The following HECW1 variants were observed in gnomAD, a reference collection of about 807,000 sequenced individuals.
HECW1 encodes the protein E3 ubiquitin-protein ligase HECW1.
Under a neutral mutation model 182.3 loss-of-function variants are expected in HECW1, and 61 were observed. The observed-to-expected ratio is 0.33, with a 90% CI of 0.27 to 0.41. HECW1 has a LOEUF of 0.41. Ranked by LOEUF, HECW1 falls within the 10% of genes least tolerant of loss-of-function variation. The pLI is 1.00. For synonymous variants in HECW1, 859 were observed against 832.6 expected (o/e 1.03, Z -0.55); for missense variants, 1,739 against 2,108.9 (o/e 0.82, Z 3.44).
At chr7:43,437,908 A>C in intron 8 of HECW1, 95 bp from the exon 9 acceptor site, 1 of 1,245,838 alleles carries the variant, frequency 8.0e-7, no homozygotes, top group Non-Finnish European at 1.1e-6. Context: ...TATAGCTAGG[A>C]TGTTTTACAG....
rs556568660 is a variant in HECW1 at position 43,552,296 on chromosome 7, C to T, written c.4470C>T (p.Ile1490=). The change falls in exon 28 of 30, where the codon ATC becomes ATT. Residue 1490 remains isoleucine (I), a synonymous_variant. Coordinates refer to ENST00000395891, the MANE Select transcript of HECW1 (RefSeq NM_015052.5). ...LELVIAGTAE[I]DLNDWRNNTE... ...TGGTGATAGCTGGCACCGCGGAAAT[C>T]GACCTAAATGACTGGCGGAATAACA... 38 of 1,613,782 alleles carry T rather than the reference C, an allele frequency of 2.4e-5. No individual in the cohort carries two copies. Among genetic ancestry groups the T allele is most frequent in the East Asian group, 6.7e-5 (3 of 44,876 alleles).
At chr7:43,331,150 G>A (rs1339866024) in intron 5 of HECW1, among the ~76,000 whole-genome samples, 3 of 120,488 alleles carry the variant, frequency 2.5e-5, no homozygotes, top group South Asian at 3.1e-4. Flanking sequence ...CCCACCCCAC[G>A]ACAGGCCCCC....
chr7:43,178,926 GA>G (rs59469644), intron 2 of HECW1, among the ~76,000 whole-genome samples: 7,047 of 152,260 alleles, frequency 0.046, 259 homozygotes, highest in East Asian at 0.15. Flanking sequence ...AACACTTCCT[GA>G]AAATATCTTT....
At chr7:43,281,365 T>C (rs1562778397) in intron 3 of HECW1, among the ~76,000 whole-genome samples, 2 of 152,230 alleles carry the variant, frequency 1.3e-5, no homozygotes, top group Non-Finnish European at 2.9e-5. Context: ...TGACATTGGG[T>C]GGACACCTGC....
intron 3 of HECW1, among the ~76,000 whole-genome samples, chr7:43,264,778 A>G (rs544374834): frequency 1.3e-5 from 2 of 148,696 alleles, no homozygotes; most frequent in South Asian, 4.3e-4. Context: ...CAGGAGGCGG[A>G]GCTTGCAGTG....
rs1376728417 is a variant in HECW1 at position 43,364,244 on chromosome 7, C to A, written c.555+3264C>A. Among the ~76,000 whole-genome samples, 3 of 152,150 alleles carry A rather than the reference C, an allele frequency of 2.0e-5. No individual in the cohort carries two copies. In the East Asian group the frequency reaches 5.8e-4, roughly 29 times the overall value. ...CTGAGCATTGTATGGTCTCACGATG[C>A]ATCAATTCTTTTTCTCATTGTCTTG... On this transcript the variant is annotated intron_variant, in intron 6 of 29. Coordinates refer to ENST00000395891, the MANE Select transcript of HECW1 (RefSeq NM_015052.5).
intron 5 of HECW1, among the ~76,000 whole-genome samples, chr7:43,346,713 T>C (rs1813727345): frequency 6.6e-6 from 1 of 152,226 alleles, no homozygotes; most frequent in South Asian, 2.1e-4. Flanking sequence ...TACATGAGGC[T>C]AGCCAATTAT....
intron 2 of HECW1, among the ~76,000 whole-genome samples, chr7:43,134,838 C>G (rs1787350297): frequency 6.6e-6 from 1 of 152,306 alleles, no homozygotes; most frequent in East Asian, 1.9e-4. Flanking sequence ...ATGGAGAAGT[C>G]TGAGGGCAGC....
intron 24 of HECW1, among the ~76,000 whole-genome samples, chr7:43,524,687 T>C (rs1172852916): frequency 6.6e-6 from 1 of 152,238 alleles, no homozygotes; most frequent in Non-Finnish European, 1.5e-5. Flanking sequence ...GGCTTTGACA[T>C]GCCCATGCAG....
chr7:43,523,347 C>T (rs1394989448), intron 24 of HECW1, among the ~76,000 whole-genome samples: 1 of 152,196 alleles, frequency 6.6e-6, no homozygotes, highest in African/African-American at 2.4e-5. Context: ...GCCCTGAAAA[C>T]TGCTCTTTCT....
At position 43,290,073 on chromosome 7, in the gene HECW1, T is replaced by C. The variant is rs1413028790; in HGVS notation, c.28-21690T>C. Among the ~76,000 whole-genome samples, 4 of 152,338 alleles carry C rather than the reference T, an allele frequency of 2.6e-5. No homozygotes were observed. In the East Asian group the frequency reaches 7.7e-4, roughly 29 times the overall value. On this transcript the variant is annotated intron_variant, in intron 3 of 29. Coordinates refer to ENST00000395891, the MANE Select transcript of HECW1 (RefSeq NM_015052.5). ...GAAAGACAGATTGTAAATGTCTCTT[T>C]TCAGAACTTAAGGTGTCAGACTCTT... is the stretch of plus-strand genomic sequence containing the variant.
chr7:43,448,304 C>T (rs544863078), intron 11 of HECW1, among the ~76,000 whole-genome samples: 1 of 152,160 alleles, frequency 6.6e-6, no homozygotes, highest in Non-Finnish European at 1.5e-5. Flanking sequence ...TGCTTTATTT[C>T]CCTCTATAAA....
intron 8 of HECW1, among the ~76,000 whole-genome samples, chr7:43,411,355 A>G (rs2075797740): frequency 6.6e-6 from 1 of 152,066 alleles, no homozygotes; most frequent in Non-Finnish European, 1.5e-5. Flanking sequence ...ACTCTATATG[A>G]TTGCAATCTA....
intron 2 of HECW1, among the ~76,000 whole-genome samples, chr7:43,194,989 C>G (rs1794311195): frequency 6.6e-6 from 1 of 152,126 alleles, no homozygotes; most frequent in Admixed American, 6.6e-5. Flanking sequence ...CGCCCGCTAC[C>G]TCATCTCAGG....
chr7:43,507,062 T>C, intron 21 of HECW1, 75 bp from the exon 22 acceptor site: 2 of 1,539,914 alleles, frequency 1.3e-6, no homozygotes, highest in South Asian at 1.2e-5. Context: ...AGAGCGAGAC[T>C]CCTTCTCAAA....
chr7:43,166,446 T>C (rs968929890), intron 2 of HECW1, among the ~76,000 whole-genome samples: 1 of 152,072 alleles, frequency 6.6e-6, no homozygotes, highest in Non-Finnish European at 1.5e-5. Context: ...CAAGCTATAA[T>C]AGTATTAGGA....
chr7:43,361,987 C>A (rs952206286), intron 6 of HECW1, among the ~76,000 whole-genome samples: 1 of 151,050 alleles, frequency 6.6e-6, no homozygotes, highest in African/African-American at 2.4e-5. Flanking sequence ...ACTAAAAATA[C>A]AAAATTAGCC....
chr7:43,206,182 T>G (rs1023662683), intron 2 of HECW1, among the ~76,000 whole-genome samples: 1 of 152,196 alleles, frequency 6.6e-6, no homozygotes, highest in Non-Finnish European at 1.5e-5. Context: ...GCTCCTACCA[T>G]GTGCACTCAC....
intron 3 of HECW1, chr7:43,245,420 GC>G (rs1294688090): frequency 6.6e-6 from 1 of 152,210 alleles, no homozygotes; most frequent in Non-Finnish European, 1.5e-5. Flanking sequence ...TAAATACCAA[GC>G]AGTTCCTTCT....
Sources: gnomAD v4.1 joint callset for allele counts (sites outside exome capture counted in the v4.1 genomes callset) on GRCh38, gnomAD v4.1.1 for gene constraint, MANE v1.5 for transcripts, NCBI Gene and HGNC (gene_info 2026-07-23, HGNC 2026-07-21) for gene names.